The following ARHGAP15 variants were observed in gnomAD, a reference collection of about 807,000 sequenced individuals.
ARHGAP15 encodes rho GTPase-activating protein 15.
Under a neutral mutation model 63.7 loss-of-function variants are expected in ARHGAP15, and 51 were observed. The observed-to-expected ratio is 0.80, with a 90% CI of 0.64 to 1.01. The LOEUF is 1.01. Among genes scored for constraint, ARHGAP15 ranks in the 50% least tolerant of loss-of-function variants. The pLI is 0.00. For missense variants in ARHGAP15, 560 were observed against 564.6 expected (o/e 0.99, Z 0.08); for synonymous variants, 191 against 193.8 (o/e 0.99, Z 0.12).
intron 1 of ARHGAP15, among the ~76,000 whole-genome samples, chr2:143,154,278 A>G (rs558640038): frequency 1.6e-4 from 24 of 151,966 alleles, no homozygotes; most frequent in South Asian, 1.4e-3. Context: ...TTGTCATTTA[A>G]TTGCCTTACT....
intron 11 of ARHGAP15, among the ~76,000 whole-genome samples, chr2:143,604,999 C>T (rs1280064661): frequency 6.6e-6 from 1 of 152,144 alleles, no homozygotes; most frequent in Non-Finnish European, 1.5e-5. Context: ...ACCTCCACCT[C>T]CCAGGTTCAA....
chr2:143,240,008 A>C (rs1345337190), intron 5 of ARHGAP15, among the ~76,000 whole-genome samples: 2 of 147,202 alleles, frequency 1.4e-5, no homozygotes, highest in East Asian at 2.0e-4. Context: ...AAAAAAAAAA[A>C]AAAAAAAAAA....
intron 6 of ARHGAP15, among the ~76,000 whole-genome samples, chr2:143,305,636 ATAAAAAT>A (rs968074876): frequency 1.3e-5 from 2 of 152,128 alleles, no homozygotes; most frequent in Admixed American, 6.6e-5. Context: ...CACTTCCAAA[ATAAAAAT>A]TAAATATAAT....
At chr2:143,209,581 G>C (rs567758752) in intron 3 of ARHGAP15, among the ~76,000 whole-genome samples, 10 of 151,738 alleles carry the variant, frequency 6.6e-5, no homozygotes, top group African/African-American at 2.4e-4. Flanking sequence ...GTTTCTGTGA[G>C]AACCTACACT....
intron 12 of ARHGAP15, among the ~76,000 whole-genome samples, chr2:143,645,646 C>G (rs1248831845): frequency 6.6e-6 from 1 of 151,758 alleles, no homozygotes; most frequent in South Asian, 2.1e-4. Flanking sequence ...ATAAATTATA[C>G]AAATTAATTA....
At chr2:143,335,894 GA>G (rs1171910781) in intron 6 of ARHGAP15, among the ~76,000 whole-genome samples, 1 of 152,172 alleles carries the variant, frequency 6.6e-6, no homozygotes, top group Non-Finnish European at 1.5e-5. Flanking sequence ...CAGGTGTGGA[GA>G]AAATCATGGT....
intron 6 of ARHGAP15, among the ~76,000 whole-genome samples, chr2:143,363,355 C>A (rs971696141): frequency 1.3e-5 from 2 of 152,110 alleles, no homozygotes; most frequent in Admixed American, 6.6e-5. Flanking sequence ...GCCTTGCTAA[C>A]ATGGTGAAAC....
chr2:143,767,015 CCTTTG>C (rs1194884869), intron 13 of ARHGAP15: 1 of 152,118 alleles, frequency 6.6e-6, no homozygotes, highest in Non-Finnish European at 1.5e-5. Context: ...AAAAAGTGTT[CCTTTG>C]CTTTGCTTTA....
intron 13 of ARHGAP15, among the ~76,000 whole-genome samples, chr2:143,712,326 G>A (rs948780196): frequency 6.6e-6 from 1 of 152,176 alleles, no homozygotes; most frequent in Non-Finnish European, 1.5e-5. Context: ...CAAACTGGAG[G>A]CATGAAAAAA....
At chr2:143,732,485 C>G (rs938632350) in intron 13 of ARHGAP15, among the ~76,000 whole-genome samples, 1 of 151,976 alleles carries the variant, frequency 6.6e-6, no homozygotes, top group Non-Finnish European at 1.5e-5. Context: ...AAGATTGATG[C>G]TCATATTTAC....
At chr2:143,207,260 C>T (rs1290189517) in intron 3 of ARHGAP15, among the ~76,000 whole-genome samples, 1 of 151,880 alleles carries the variant, frequency 6.6e-6, no homozygotes, top group Admixed American at 6.6e-5. Flanking sequence ...TTGAATATCA[C>T]TAATTATAGA....
intron 12 of ARHGAP15, among the ~76,000 whole-genome samples, chr2:143,651,917 T>C (rs1254636034): frequency 2.6e-5 from 4 of 152,046 alleles, no homozygotes; most frequent in African/African-American, 9.7e-5. Flanking sequence ...TTACGTTTTC[T>C]GATTATAGAG....
At chr2:143,570,637 A>G (rs1224477998) in intron 11 of ARHGAP15, among the ~76,000 whole-genome samples, 2 of 152,242 alleles carry the variant, frequency 1.3e-5, no homozygotes, top group African/African-American at 4.8e-5. Flanking sequence ...TTCACTGTGT[A>G]CTATTGAACT....
rs567772660 is a variant in ARHGAP15, at chr2:143,542,712, G to GAT, written c.926-13688_926-13687dup. Reference sequence around the variant, plus strand: ...ATAGTATCACATATATAATATATATGATATATATAATATCACATATATAAT... The same window carrying GAT: ...ATAGTATCACATATATAATATATATGATATATATATAATATCACATATATAAT... On this transcript the variant is annotated intron_variant, in intron 10 of 13. Coordinates refer to ENST00000295095, the MANE Select transcript of ARHGAP15 (RefSeq NM_018460.4). 4.6e-4 allele frequency among the ~76,000 whole-genome samples: 57 copies of GAT among 124,580 alleles called. 1 individual carries two copies. The South Asian group carries it at 0.013, about 29-fold the overall frequency. 81.7% of individuals were successfully genotyped at this position (124,580 alleles called of 152,430 possible). A position where few individuals can be genotyped will look rare whatever the true frequency, so the allele number is the denominator to read the frequency against.
At chr2:143,562,113 AAAAC>A (rs1401201118) in intron 11 of ARHGAP15, among the ~76,000 whole-genome samples, 1 of 152,060 alleles carries the variant, frequency 6.6e-6, no homozygotes, top group Non-Finnish European at 1.5e-5. Context: ...AGCTCCATTA[AAAAC>A]AAACTATTAG....
intron 6 of ARHGAP15, among the ~76,000 whole-genome samples, chr2:143,363,364 AC>A (rs1271797526): frequency 1.1e-4 from 16 of 152,048 alleles, no homozygotes; most frequent in Non-Finnish European, 1.9e-4. Context: ...ACATGGTGAA[AC>A]CCTGTCTCTA....
In ARHGAP15 at chr2:143,275,747, C is replaced by T. The variant is rs182115232; in HGVS notation, c.474+25147C>T. On this transcript the variant is annotated intron_variant, in intron 6 of 13. Transcript: ENST00000295095. ...CCCTGGACCCGGTAGTCCTCTGATA[C>T]GCTGGTTTGCTTGTGTCTGTACTCT... Among the ~76,000 whole-genome samples, 93 of 152,242 alleles carry T rather than the reference C, an allele frequency of 6.1e-4. 1 individual carries two copies. The highest frequency in any genetic ancestry group is 2.1e-3 in the African/African-American group (89 of 41,534).
At chr2:143,668,905 G>A (rs1160506995) in intron 12 of ARHGAP15, among the ~76,000 whole-genome samples, 1 of 151,858 alleles carries the variant, frequency 6.6e-6, no homozygotes, top group African/African-American at 2.4e-5. Flanking sequence ...AGGAAGGATG[G>A]GAGAAAAATT....
intron 1 of ARHGAP15, among the ~76,000 whole-genome samples, chr2:143,151,031 T>C (rs1328016999): frequency 6.6e-6 from 1 of 152,022 alleles, no homozygotes; most frequent in East Asian, 1.9e-4. Context: ...CAACAGAATA[T>C]AATTTAAGAT....
Sources: gnomAD v4.1 joint callset for allele counts (sites outside exome capture counted in the v4.1 genomes callset) on GRCh38, gnomAD v4.1.1 for gene constraint, MANE v1.5 for transcripts, NCBI Gene and HGNC (gene_info 2026-07-23, HGNC 2026-07-21) for gene names.